POLR2M: variants seen among roughly 807,000 people sequenced by gnomAD.
POLR2M encodes the protein protein GRINL1A.
In POLR2M, 30 loss-of-function variants were observed where a neutral mutation model predicts 34.6. The ratio of observed to expected loss-of-function variants is 0.87; its 90% CI spans 0.65 to 1.18. The LOEUF is 1.18. Ranked by LOEUF, POLR2M falls within the 50% of genes most tolerant of loss-of-function variation. The pLI is 0.00. For missense variants in POLR2M, 432 were observed against 448.7 expected (o/e 0.96, Z 0.34); for synonymous variants, 150 against 166.7 (o/e 0.90, Z 0.77).
intron 2 of POLR2M, among the ~76,000 whole-genome samples, 156 bp from the exon 3 acceptor site, chr15:57,711,828 A>G (rs376703923): frequency 1.3e-5 from 2 of 152,008 alleles, no homozygotes; most frequent in Admixed American, 6.6e-5. Context: ...ACACAAACAC[A>G]CCCCTATTTG....
chr15:57,715,743 A>C lies in POLR2M; in HGVS notation c.*1064A>C, dbSNP rs2040916733. On this transcript the variant is annotated 3_prime_UTR_variant, in exon 4 of 4. Transcript: ENST00000299638. ...AGAAATTAACTTACATTATCAAAAA[A>C]TTCTTTGTCTAATATATTGGAGTCT... 1.3e-5 allele frequency: 2 copies of C among 152,250 alleles called. No individual in the cohort carries two copies. The highest frequency in any genetic ancestry group is 6.5e-5 in the Admixed American group (1 of 15,286). 9.4% of individuals were successfully genotyped at this position (152,250 alleles called of 1,614,324 possible).
At chr15:57,707,265 C>T in intron 1 of POLR2M, 2 of 976,462 alleles carry the variant, frequency 2.0e-6, no homozygotes, top group Middle Eastern at 2.4e-4. Context: ...CTTTCTAAAC[C>T]CTTTTGTCGC....
At chr15:57,713,764 T>G (rs987764548) in intron 3 of POLR2M, among the ~76,000 whole-genome samples, 1 of 151,720 alleles carries the variant, frequency 6.6e-6, no homozygotes, top group African/African-American at 2.4e-5. Context: ...AAGTCATGAT[T>G]GTAATTAGGG....
rs551948784 is a variant in POLR2M, at chr15:57,716,167, CAAAAAT to C, written c.*1489_*1494del. ...ATGCATAGTTATGCATTTATATTCTCAAAAATGAAATCATAATGTACATTGCTTTGT... is the reference window on the plus strand; with the variant it reads ...ATGCATAGTTATGCATTTATATTCTCGAAATCATAATGTACATTGCTTTGT... On this transcript the variant is annotated 3_prime_UTR_variant, in exon 4 of 4. Coordinates refer to ENST00000299638, the MANE Select transcript of POLR2M (RefSeq NM_015532.5). 29 of 152,312 alleles carry C rather than the reference CAAAAAT, an allele frequency of 1.9e-4. No homozygotes were observed. In the South Asian group the frequency reaches 6.0e-3, roughly 32 times the overall value. 9.4% of individuals were successfully genotyped at this position (152,312 alleles called of 1,614,324 possible).
rs1363819157 is a variant in POLR2M, at chr15:57,717,046, A to G, written c.*2367A>G. ...TCAAATGTATTTGGTTATATTATAT[A>G]AGGTAGGGATTTGATTTTATTTCGA... is the stretch of plus-strand genomic sequence containing the variant. On this transcript the variant is annotated 3_prime_UTR_variant, in exon 4 of 4. Transcript: ENST00000299638. 2 of 152,186 alleles carry G rather than the reference A, an allele frequency of 1.3e-5. No homozygotes were observed. Among genetic ancestry groups the G allele is most frequent in the Non-Finnish European group, 2.9e-5 (2 of 68,032 alleles). 9.4% of individuals were successfully genotyped at this position (152,186 alleles called of 1,614,324 possible).
chr15:57,707,169 A>G (rs2040524695), intron 1 of POLR2M: 1 of 1,498,792 alleles, frequency 6.7e-7, no homozygotes, highest in Non-Finnish European at 8.9e-7. Context: ...GATAGCTCGG[A>G]TTGAACGGCT....
rs1262225783 is a variant in POLR2M, at chr15:57,715,900, A to G, written c.*1221A>G. The G allele has an allele frequency of 1.3e-5, 2 of 152,272 alleles. No homozygotes were observed. Among genetic ancestry groups the G allele is most frequent in the Non-Finnish European group, 2.9e-5 (2 of 68,048 alleles). The allele number at this position is 152,272 out of a possible 1,614,324, so 9.4% of individuals were successfully genotyped here. A position where few individuals can be genotyped will look rare whatever the true frequency, so the allele number is the denominator to read the frequency against. The stretch of plus-strand genomic sequence containing the variant: ...TTCACATTTGCTTCCAGGTGTAATT[A>G]TTGCTTTCATTCCTTACCCCCCTCA... On this transcript the variant is annotated 3_prime_UTR_variant, in exon 4 of 4. Coordinates refer to ENST00000299638, the MANE Select transcript of POLR2M (RefSeq NM_015532.5).
chr15:57,707,224 A>G, intron 1 of POLR2M: 1 of 1,363,012 alleles, frequency 7.3e-7, no homozygotes, highest in Non-Finnish European at 9.8e-7. Flanking sequence ...GGTTTTATTT[A>G]CCCGGGGACT....
Position 57,706,975 on chromosome 15 carries a change from A to C in POLR2M, c.113+20A>C, listed in dbSNP as rs1199088622. On this transcript the variant is annotated intron_variant, in intron 1 of 3. Transcript: ENST00000299638. The stretch of plus-strand genomic sequence containing the variant: ...CAACGAGTAAGCTGGGGTCCCGCGG[A>C]GTCTCCGCCAGGCTCCTTCAGCTCG... The C allele has an allele frequency of 5.7e-6, 9 of 1,567,530 alleles. No individual in the cohort carries two copies. Among genetic ancestry groups the C allele is most frequent in the Middle Eastern group, 1.7e-4 (1 of 6,000 alleles).
chr15:57,708,835 A>G lies in POLR2M; in HGVS notation c.235A>G (p.Ser79Gly). The change falls in exon 2 of 4, where the codon AGT (serine) becomes GGT (glycine). Residue 79 changes from serine to glycine, a missense_variant. Ser to Gly is a moderately conservative substitution (Grantham distance 56). Transcript: ENST00000299638. ...RRKSELFNPV[S>G]LDCKLRQKAI... Reference sequence around the variant, plus strand: ...AAAAAGTGAACTGTTTAACCCTGTTAGTTTAGACTGTAAGCTAAGGCAAAA... The same window carrying G: ...AAAAAGTGAACTGTTTAACCCTGTTGGTTTAGACTGTAAGCTAAGGCAAAA... The G allele has an allele frequency of 6.2e-7, 1 of 1,614,054 alleles. No homozygotes were observed. Among genetic ancestry groups the G allele is most frequent in the East Asian group, 2.2e-5 (1 of 44,884 alleles).
In POLR2M at chr15:57,709,313, G is replaced by C. The variant is rs1219637495; in HGVS notation, c.713G>C (p.Arg238Pro). The C allele has an allele frequency of 1.2e-6, 2 of 1,613,866 alleles. No homozygotes were observed. Among genetic ancestry groups the C allele is most frequent in the African/African-American group, 2.7e-5 (2 of 74,876 alleles). ...KPHYMEVLEM[R>P]AKNPVPQLRK... ...CATTACATGGAAGTGCTAGAAATGC[G>C]AGCCAAAAACCCAGTGCCCCAGCTG... The change falls in exon 2 of 4, where the codon CGA (arginine) becomes CCA (proline). Residue 238 changes from arginine (R) to proline (P), a missense_variant. Arg to Pro is a moderately radical substitution (Grantham distance 103, BLOSUM62 -2). Transcript: ENST00000299638.
chr15:57,714,810 A>C lies in POLR2M; in HGVS notation c.*131A>C. On this transcript the variant is annotated 3_prime_UTR_variant, in exon 4 of 4. Coordinates refer to ENST00000299638, the MANE Select transcript of POLR2M (RefSeq NM_015532.5). ...AAAGTTACACAAAGGTAGTTATAAAAAAAGCCCAGTTTGTCTTTCAGAAGG... is the reference window on the plus strand; with the variant it reads ...AAAGTTACACAAAGGTAGTTATAAACAAAGCCCAGTTTGTCTTTCAGAAGG... The C allele has an allele frequency of 1.4e-6, 2 of 1,437,354 alleles. No homozygotes were observed. The highest frequency in any genetic ancestry group is 2.8e-5 in the South Asian group (2 of 72,010). The allele number at this position is 1,437,354 out of a possible 1,614,324, so 89.0% of individuals were successfully genotyped here.
chr15:57,707,769 A>T (rs1013338964), intron 1 of POLR2M, among the ~76,000 whole-genome samples: 29 of 152,220 alleles, frequency 1.9e-4, no homozygotes, highest in African/African-American at 6.8e-4. Flanking sequence ...ACATTTGGTT[A>T]ATCGAAAACC....
intron 1 of POLR2M, 121 bp downstream of exon 1, chr15:57,707,076 G>A (rs1324459820): frequency 3.2e-6 from 5 of 1,551,172 alleles, no homozygotes; most frequent in Non-Finnish European, 4.4e-6. Context: ...AGTCACATTC[G>A]CTTCAGTCCT....
chr15:57,714,527 G>A lies in POLR2M; in HGVS notation c.964-9G>A, dbSNP rs201423486. 3.7e-6 allele frequency: 6 copies of A among 1,613,128 alleles called. No individual in the cohort carries two copies. The East Asian group carries it at 1.3e-4, about 36-fold the overall frequency. Reference sequence around the variant, plus strand: ...CGTGTAACTTTGTGCTTTGCTCTTTGTTTTAAAGGAGATGCAAGCAAAGCT... The same window carrying A: ...CGTGTAACTTTGTGCTTTGCTCTTTATTTTAAAGGAGATGCAAGCAAAGCT... On this transcript the variant is annotated splice_polypyrimidine_tract_variant and intron_variant, in intron 3 of 3. Coordinates refer to ENST00000299638, the MANE Select transcript of POLR2M (RefSeq NM_015532.5).
At chr15:57,707,259 C>A in intron 1 of POLR2M, 1 of 1,096,502 alleles carries the variant, frequency 9.1e-7, no homozygotes, top group African/African-American at 1.6e-5. Context: ...AGTCTGCTTT[C>A]TAAACCCTTT....
In POLR2M at chr15:57,709,193, G is replaced by A. The variant is rs1454258528; in HGVS notation, c.593G>A (p.Arg198Lys). The change falls in exon 2 of 4, where the codon AGG becomes AAG. Residue 198 changes from arginine (R) to lysine (K), a missense_variant. Transcript: ENST00000299638. Reference sequence around the variant, plus strand: ...AACCTGTTTATTGACAGGTTACAGAGGATCACCATTGCGGACCAAGGTGAA... The same window carrying A: ...AACCTGTTTATTGACAGGTTACAGAAGATCACCATTGCGGACCAAGGTGAA... ...FDNLFIDRLQ[R>K]ITIADQGEQQ... The A allele has an allele frequency of 1.2e-6, 2 of 1,614,160 alleles. No homozygotes were observed. Among genetic ancestry groups the A allele is most frequent in the Admixed American group, 1.7e-5 (1 of 60,014 alleles).
chr15:57,714,189 T>C (rs1324179856), intron 3 of POLR2M, among the ~76,000 whole-genome samples: 8 of 152,308 alleles, frequency 5.3e-5, no homozygotes, highest in Admixed American at 1.3e-4. Context: ...CAAATTGTTA[T>C]GTGAGTGTGT....
rs869161314 is a variant in POLR2M at position 57,713,820 on chromosome 15, C to CTTTTTTT, written c.964-683_964-677dup. 4.9e-4 allele frequency among the ~76,000 whole-genome samples: 32 copies of CTTTTTTT among 65,640 alleles called. 3 individuals carry two copies. Among genetic ancestry groups the CTTTTTTT allele is most frequent in the East Asian group, 2.6e-3 (4 of 1,548 alleles). The allele number at this position is 65,640 out of a possible 152,430, so 43.1% of individuals were successfully genotyped here. A position where few individuals can be genotyped will look rare whatever the true frequency, so the allele number is the denominator to read the frequency against. ...AGAAATCTAGACAGCATTAGTCCTT[C>CTTTTTTT]TTTTTTTTTTTTTTTTTTTTTTTTT... On this transcript the variant is annotated intron_variant, in intron 3 of 3. Transcript: ENST00000299638.
Sources: allele counts gnomAD v4.1 joint callset (sites outside exome capture counted in the v4.1 genomes callset), GRCh38; gene constraint gnomAD v4.1.1; transcripts MANE v1.5; gene names NCBI Gene and HGNC (gene_info 2026-07-23, HGNC 2026-07-21).